ESR1: variants seen among roughly 807,000 people sequenced by gnomAD.
The protein encoded by ESR1 is estrogen receptor 1.
In ESR1, 12 loss-of-function variants were observed where a neutral mutation model predicts 52.7. The observed-to-expected ratio is 0.23, with a 90% confidence interval of 0.15 to 0.37. The LOEUF is 0.37. ESR1 is among the 10% of genes least tolerant of loss of function. The probability of loss-of-function intolerance (pLI) is 1.00; values close to 1 mark genes in which losing one functional copy is unlikely to be tolerated. For missense variants in ESR1, 584 were observed against 779.7 expected (o/e 0.75, Z 2.99); for synonymous variants, 305 against 316.8 (o/e 0.96, Z 0.39).
At chr6:151,960,207 A>G (rs1287074387) in intron 4 of ESR1, among the ~76,000 whole-genome samples, 3 of 152,220 alleles carry the variant, frequency 2.0e-5, no homozygotes, top group Non-Finnish European at 4.4e-5. Context: ...TGGACATGCT[A>G]TGAGCCCAGC....
At chr6:151,683,695 A>T (rs115872427) in intron 1 of ESR1, among the ~76,000 whole-genome samples, 1,927 of 148,900 alleles carry the variant, frequency 0.013, 47 homozygotes, top group African/African-American at 0.044. Context: ...GTTGTCATAC[A>T]TTTTTTTTTC....
intron 2 of ESR1, among the ~76,000 whole-genome samples, chr6:151,773,585 A>C (rs1227891376): frequency 2.6e-5 from 4 of 152,128 alleles, no homozygotes; most frequent in Non-Finnish European, 1.5e-5. Flanking sequence ...CGGAGACTTT[A>C]CCCTGGTCCT....
intron 5 of ESR1, among the ~76,000 whole-genome samples, chr6:152,017,502 A>T (rs1021145708): frequency 6.6e-6 from 1 of 152,138 alleles, no homozygotes; most frequent in Non-Finnish European, 1.5e-5. Flanking sequence ...ATTTTACAAG[A>T]GGAAAGTTAA....
At position 151,723,433 on chromosome 6, in the gene ESR1, A is replaced by G. The variant is rs375271783; in HGVS notation, c.-71+21428A>G. On this transcript the variant is annotated intron_variant, in intron 2 of 2. Transcript: ENST00000404742. Reference sequence around the variant, plus strand: ...AAGGGGTTAGGGGATTTCCCCATTGAACCTGATAGCCTTCATTTCATTTCT... The same window carrying G: ...AAGGGGTTAGGGGATTTCCCCATTGGACCTGATAGCCTTCATTTCATTTCT... Among the ~76,000 whole-genome samples the G allele has an allele frequency of 5.3e-5, 8 of 152,346 alleles. No individual in the cohort carries two copies. In the South Asian group the frequency reaches 1.7e-3, roughly 32 times the overall value.
intron 1 of ESR1, among the ~76,000 whole-genome samples, chr6:151,825,028 G>A (rs751341579): frequency 6.6e-6 from 1 of 151,810 alleles, no homozygotes; most frequent in Admixed American, 6.6e-5. Flanking sequence ...TTTCTTTTTT[G>A]TCTTGGGGAA....
intron 2 of ESR1, among the ~76,000 whole-genome samples, chr6:151,794,421 C>T (rs1233897189): frequency 6.6e-6 from 1 of 152,128 alleles, no homozygotes; most frequent in Non-Finnish European, 1.5e-5. Flanking sequence ...ACACATTTGC[C>T]ATTTGAGTTC....
intron 2 of ESR1, among the ~76,000 whole-genome samples, chr6:151,739,491 C>T (rs1205662979): frequency 6.6e-6 from 1 of 152,176 alleles, no homozygotes; most frequent in East Asian, 1.9e-4. Flanking sequence ...AAGTCCCATT[C>T]TGATTGTGTA....
chr6:151,955,209 T>C (rs978711162), intron 4 of ESR1, among the ~76,000 whole-genome samples: 7 of 152,222 alleles, frequency 4.6e-5, no homozygotes, highest in African/African-American at 1.7e-4. Context: ...CCCAGTTAAG[T>C]AATTTCTGAT....
At chr6:151,985,500 T>C (rs2040374160) in intron 4 of ESR1, among the ~76,000 whole-genome samples, 1 of 82,748 alleles carries the variant, frequency 1.2e-5, no homozygotes, top group Admixed American at 2.2e-4. Context: ...AGAGTGAGAC[T>C]CTGTCTCAAA....
chr6:151,995,593 G>A (rs964819088), intron 4 of ESR1, among the ~76,000 whole-genome samples: 1 of 152,172 alleles, frequency 6.6e-6, no homozygotes, highest in African/African-American at 2.4e-5. Context: ...ACTACATTGT[G>A]TCCTTAATTT....
chr6:151,661,499 T>G (rs773010560), intron 1 of ESR1, among the ~76,000 whole-genome samples: 1 of 152,236 alleles, frequency 6.6e-6, no homozygotes. Flanking sequence ...CTCAAGAGCA[T>G]AGCATTTATT....
intron 5 of ESR1, among the ~76,000 whole-genome samples, chr6:152,022,461 A>C (rs1010105304): frequency 6.6e-6 from 1 of 152,144 alleles, no homozygotes; most frequent in Non-Finnish European, 1.5e-5. Flanking sequence ...AAGATAAAAA[A>C]TTTGAGAGCC....
intron 4 of ESR1, among the ~76,000 whole-genome samples, chr6:151,965,700 T>C (rs2038193879): frequency 6.6e-6 from 1 of 152,158 alleles, no homozygotes; most frequent in Non-Finnish European, 1.5e-5. Context: ...CTTATCAACT[T>C]TGGACATATC....
rs1585009419 is a variant in ESR1, at chr6:152,050,431, T to G, written c.1236-10560T>G. Among the ~76,000 whole-genome samples the G allele has an allele frequency of 2.0e-5, 3 of 152,216 alleles. No homozygotes were observed. In the East Asian group the frequency reaches 5.8e-4, roughly 29 times the overall value. On this transcript the variant is annotated intron_variant, in intron 5 of 7. Coordinates refer to ENST00000206249, the MANE Select transcript of ESR1 (RefSeq NM_000125.4). Reference sequence around the variant, plus strand: ...TTTTTTCAGAATAACTCTAAGATGATGATCCTCTGGCCATATTTTAAAAAT... The same window carrying G: ...TTTTTTCAGAATAACTCTAAGATGAGGATCCTCTGGCCATATTTTAAAAAT...
intron 2 of ESR1, among the ~76,000 whole-genome samples, chr6:151,779,082 A>G (rs936113303): frequency 1.3e-4 from 20 of 152,146 alleles, no homozygotes; most frequent in Non-Finnish European, 2.9e-4. Context: ...TGCTGTGCAG[A>G]AGCTCTTTAG....
rs1781302504 is a variant in ESR1, at chr6:151,719,492, G to A, written c.-71+17487G>A. On this transcript the variant is annotated intron_variant, in intron 2 of 2. Transcript: ENST00000404742. The stretch of plus-strand genomic sequence containing the variant: ...GAGCCAGTGTTACGCCTTAAGGTGG[G>A]AGCATTTCTGCGAGACTGGAGAATC... 1.3e-5 allele frequency among the ~76,000 whole-genome samples: 2 copies of A among 152,160 alleles called. 1 individual carries two copies.
intron 3 of ESR1, among the ~76,000 whole-genome samples, chr6:151,894,855 A>T (rs1210397532): frequency 6.6e-6 from 1 of 151,938 alleles, no homozygotes; most frequent in Non-Finnish European, 1.5e-5. Context: ...GCTTAGTCTT[A>T]CTTTGGCTAT....
intron 1 of ESR1, among the ~76,000 whole-genome samples, chr6:151,698,627 C>G (rs1214295861): frequency 6.6e-6 from 1 of 152,054 alleles, no homozygotes; most frequent in East Asian, 1.9e-4. Context: ...TTTTCCTTCT[C>G]TTCCAAGGGG....
At position 151,828,149 on chromosome 6, in the gene ESR1, T is replaced by C. The variant is rs79031529; in HGVS notation, c.453-14448T>C. ...AACTTTGTGCAGGTAACTAGGCACA[T>C]GTCAGGACTGATTTACTGACCTCTC... On this transcript the variant is annotated intron_variant, in intron 1 of 7. Coordinates refer to ENST00000206249, the MANE Select transcript of ESR1 (RefSeq NM_000125.4). 6.8e-3 allele frequency among the ~76,000 whole-genome samples: 1,041 copies of C among 152,362 alleles called. 4 individuals are homozygous for C. The highest frequency in any genetic ancestry group is 0.012 in the Non-Finnish European group (803 of 68,034).
Sources: allele counts gnomAD v4.1 joint callset (sites outside exome capture counted in the v4.1 genomes callset), GRCh38; gene constraint gnomAD v4.1.1; transcripts MANE v1.5; gene names NCBI Gene and HGNC (gene_info 2026-07-23, HGNC 2026-07-21).